Variants in KIAA1614 observed in about 807,000 individuals in gnomAD.
The protein encoded by KIAA1614 is KIAA1614.
Under a neutral mutation model 88.7 loss-of-function variants are expected in KIAA1614, and 76 were observed. That is an observed-to-expected ratio of 0.86 (90% CI 0.71 to 1.04). The LOEUF is 1.04. Among genes scored for constraint, KIAA1614 ranks in the 50% least tolerant of loss-of-function variants. The pLI, the probability that KIAA1614 is intolerant of heterozygous loss-of-function variation, is 0.00. For missense variants in KIAA1614, 1,553 were observed against 1,582.5 expected, an observed-to-expected ratio of 0.98 and a Z score of 0.32; for synonymous variants, 714 against 675.5, an observed-to-expected ratio of 1.06 and a Z score of -0.88.
Position 180,947,457 on chromosome 1 carries a change from G to A in KIAA1614, c.*1869G>A, listed in dbSNP as rs1281742364. 6.7e-6 allele frequency: 1 copy of A among 148,690 alleles called. No individual in the cohort carries two copies. 9.2% of individuals were successfully genotyped at this position (148,690 alleles called of 1,614,324 possible). On this transcript the variant is annotated 3_prime_UTR_variant, in exon 9 of 9. Coordinates refer to ENST00000367588, the MANE Select transcript of KIAA1614 (RefSeq NM_020950.2). ...TGCCTGGACTGGGAACGGCTGTGGA[G>A]ATGGGGAGAGGGGAGAGGGGACAGG...
rs752777422 is a variant in KIAA1614 at position 180,936,627 on chromosome 1, C to T, written c.2718C>T (p.Pro906=). ...ACGAGGGTAGGGTGGAGAGGGGCCC[C>T]TGCAGCCGGGAACCGGAGCCGCCCC... is the stretch of plus-strand genomic sequence containing the variant. ...AVHEGRVERG[P]CSREPEPPLE... The change falls in exon 5 of 9, where the codon CCC becomes CCT. Residue 906 remains proline (P), a synonymous_variant. Coordinates refer to ENST00000367588, the MANE Select transcript of KIAA1614 (RefSeq NM_020950.2). 68 of 1,587,132 alleles carry T rather than the reference C, an allele frequency of 4.3e-5. No individual in the cohort carries two copies. In the South Asian group the frequency reaches 4.3e-4, roughly 10 times the overall value.
intron 4 of KIAA1614, among the ~76,000 whole-genome samples, chr1:180,930,813 C>T (rs778955041): frequency 2.6e-5 from 4 of 152,254 alleles, no homozygotes; most frequent in Non-Finnish European, 5.9e-5. Context: ...GAGGGTATAG[C>T]TGAAAAATCA....
At position 180,943,550 on chromosome 1, in the gene KIAA1614, C is replaced by CTTTTTTTTTTTTTTTTTTTTTTT. The variant is rs60128001; in HGVS notation, c.3160-823_3160-822insTTTTTTTTTTTTTTTTTTTTTTT. On this transcript the variant is annotated intron_variant, in intron 7 of 8. Coordinates refer to ENST00000367588, the MANE Select transcript of KIAA1614 (RefSeq NM_020950.2). ...ATTGTAGGATTGAATGGTAGTAGAT[C>CTTTTTTTTTTTTTTTTTTTTTTT]TTTTTTTTTTTTTTTTGAGACAGGG... 5.1e-5 allele frequency among the ~76,000 whole-genome samples: 5 copies of CTTTTTTTTTTTTTTTTTTTTTTT among 98,184 alleles called. 1 individual carries two copies. Among genetic ancestry groups the CTTTTTTTTTTTTTTTTTTTTTTT allele is most frequent in the African/African-American group, 2.1e-4 (5 of 23,812 alleles). The allele number at this position is 98,184 out of a possible 152,430, so 64.4% of individuals were successfully genotyped here.
Position 180,916,570 on chromosome 1 carries a change from T to G in KIAA1614, c.467T>G (p.Ile156Ser). ...CCTGATGGGCAGCTGGACGGCAGCATCAATGAGGAGCAACCCGCCAGGGAT... is the reference window on the plus strand; with the variant it reads ...CCTGATGGGCAGCTGGACGGCAGCAGCAATGAGGAGCAACCCGCCAGGGAT... ...NLPDGQLDGS[I>S]NEEQPARDGG... The change falls in exon 2 of 9, where the codon ATC becomes AGC. Residue 156 changes from isoleucine to serine, a missense_variant. Ile to Ser is a moderately radical substitution (Grantham distance 142, BLOSUM62 -2). Coordinates refer to ENST00000367588, the MANE Select transcript of KIAA1614 (RefSeq NM_020950.2). 4 of 1,610,646 alleles carry G rather than the reference T, an allele frequency of 2.5e-6. No homozygotes were observed. Among genetic ancestry groups the G allele is most frequent in the Non-Finnish European group, 3.4e-6 (4 of 1,177,966 alleles).
chr1:180,916,505 C>G lies in KIAA1614; in HGVS notation c.402C>G (p.Phe134Leu), dbSNP rs1653804377. Reference protein sequence around the residue: ...GRAGTPSEGSFLPGAVVAPRT... With the variant: ...GRAGTPSEGSLLPGAVVAPRT... ...CCGGGACTCCATCAGAGGGGTCTTT[C>G]CTGCCAGGTGCTGTGGTGGCTCCTC... The change falls in exon 2 of 9, where the codon TTC (phenylalanine) becomes TTG (leucine). Residue 134 changes from phenylalanine (F) to leucine (L), a missense_variant. Phe to Leu is a conservative substitution (Grantham distance 22, BLOSUM62 0). Transcript: ENST00000367588. 6.2e-7 allele frequency: 1 copy of G among 1,614,088 alleles called. No homozygotes were observed. The highest frequency in any genetic ancestry group is 8.5e-7 in the Non-Finnish European group (1 of 1,180,036).
intron 1 of KIAA1614, among the ~76,000 whole-genome samples, chr1:180,915,081 G>T (rs868471986): frequency 6.6e-6 from 1 of 152,234 alleles, no homozygotes; most frequent in Non-Finnish European, 1.5e-5. Flanking sequence ...TGGGATTACA[G>T]GTGTGAGCCA....
Position 180,938,607 on chromosome 1 carries a change from G to C in KIAA1614, c.2814G>C (p.Thr938=), listed in dbSNP as rs200033632. 2 of 1,614,064 alleles carry C rather than the reference G, an allele frequency of 1.2e-6. No individual in the cohort carries two copies. The highest frequency in any genetic ancestry group is 2.2e-5 in the South Asian group (2 of 91,074). Residue 938 remains threonine (T), a synonymous_variant, in exon 6 of 9, where the codon ACG becomes ACC. Coordinates refer to ENST00000367588, the MANE Select transcript of KIAA1614 (RefSeq NM_020950.2). The stretch of plus-strand genomic sequence containing the variant: ...CAGATGTTGCCACCATCAACTCCAC[G>C]GGCATCACCCTCTCCCTGTCCTCAG... ...GSADVATINS[T]GITLSLSSEE...
rs897829965 is a variant in KIAA1614, at chr1:180,950,314, T to C, written c.*4726T>C. Reference sequence around the variant, plus strand: ...CACTTCTTCGATTTGGGTGTCATTGTGAAATTCTCCTGTTTTCCTCTGCAG... The same window carrying C: ...CACTTCTTCGATTTGGGTGTCATTGCGAAATTCTCCTGTTTTCCTCTGCAG... On this transcript the variant is annotated 3_prime_UTR_variant, in exon 9 of 9. Transcript: ENST00000367588. 8 of 1,155,608 alleles carry C rather than the reference T, an allele frequency of 6.9e-6. No individual in the cohort carries two copies. The highest frequency in any genetic ancestry group is 5.4e-6 in the Non-Finnish European group (5 of 921,218). 71.6% of individuals were successfully genotyped at this position (1,155,608 alleles called of 1,614,324 possible).
At chr1:180,932,835 G>A (rs1349563585) in intron 4 of KIAA1614, among the ~76,000 whole-genome samples, 2 of 152,082 alleles carry the variant, frequency 1.3e-5, no homozygotes, top group African/African-American at 4.8e-5. Context: ...TGCCTCCTGG[G>A]TTCAAGCAAT....
intron 4 of KIAA1614, among the ~76,000 whole-genome samples, chr1:180,929,098 G>T (rs1405193534): frequency 6.6e-6 from 1 of 152,190 alleles, no homozygotes; most frequent in Admixed American, 6.5e-5. Flanking sequence ...TCTGGTTCTG[G>T]CACTTAGCTG....
In KIAA1614 at chr1:180,950,611, C is replaced by A; in HGVS notation, c.*5023C>A. On this transcript the variant is annotated 3_prime_UTR_variant, in exon 9 of 9. Transcript: ENST00000367588. ...CAGGGTGGTTGGCAGGAACGTGCTG[C>A]ACAGAGCTGCTCTGTGGCGGAAACA... 2.5e-6 allele frequency: 2 copies of A among 793,158 alleles called. No individual in the cohort carries two copies. The highest frequency in any genetic ancestry group is 3.2e-5 in the South Asian group (1 of 31,324). The allele number at this position is 793,158 out of a possible 1,614,324, so 49.1% of individuals were successfully genotyped here.
At chr1:180,941,001 T>TCC (rs757548194) in intron 6 of KIAA1614, 44 bp from the exon 7 acceptor site, 4 of 385,874 alleles carry the variant, frequency 1.0e-5, no homozygotes, top group Non-Finnish European at 1.6e-5. Flanking sequence ...CTGGCCACCC[T>TCC]CCCGGCCCTC....
In KIAA1614 at chr1:180,948,016, T is replaced by G. The variant is rs538734663; in HGVS notation, c.*2428T>G. The G allele has an allele frequency of 6.6e-6, 1 of 150,756 alleles. No homozygotes were observed. The highest frequency in any genetic ancestry group is 2.4e-5 in the African/African-American group (1 of 41,084). The allele number at this position is 150,756 out of a possible 1,614,324, so 9.3% of individuals were successfully genotyped here. ...CTCCCTTGTAGGCAGTGGGAGCCCC[T>G]CCCTGTCACCCGTCAGGGAGCTCTG... On this transcript the variant is annotated 3_prime_UTR_variant, in exon 9 of 9. Transcript: ENST00000367588.
In KIAA1614 at chr1:180,945,649, G is replaced by C; in HGVS notation, c.*61G>C. On this transcript the variant is annotated 3_prime_UTR_variant, in exon 9 of 9. Coordinates refer to ENST00000367588, the MANE Select transcript of KIAA1614 (RefSeq NM_020950.2). Reference sequence around the variant, plus strand: ...TACAGGACTAGGCTTCTCCCCTCAGGGGCTCTTTCTGAATTGTCCAGGGCT... The same window carrying C: ...TACAGGACTAGGCTTCTCCCCTCAGCGGCTCTTTCTGAATTGTCCAGGGCT... 6.6e-7 allele frequency: 1 copy of C among 1,506,738 alleles called. No homozygotes were observed. The highest frequency in any genetic ancestry group is 8.8e-7 in the Non-Finnish European group (1 of 1,135,708). The allele number at this position is 1,506,738 out of a possible 1,614,324, so 93.3% of individuals were successfully genotyped here. A position where few individuals can be genotyped will look rare whatever the true frequency, so the allele number is the denominator to read the frequency against.
In KIAA1614 at chr1:180,916,285, C is replaced by T. The variant is rs1653794848; in HGVS notation, c.182C>T (p.Thr61Ile). The T allele has an allele frequency of 6.2e-7, 1 of 1,613,800 alleles. No homozygotes were observed. Among genetic ancestry groups the T allele is most frequent in the South Asian group, 1.1e-5 (1 of 91,050 alleles). The change falls in exon 2 of 9, where the codon ACA becomes ATA. Residue 61 changes from threonine to isoleucine, a missense_variant. Thr to Ile is a moderately conservative substitution (Grantham distance 89, BLOSUM62 -1). Coordinates refer to ENST00000367588, the MANE Select transcript of KIAA1614 (RefSeq NM_020950.2). The part of the protein sequence containing the change: ...RPWPCPQENR[T>I]SSLMAPQPPR... The stretch of plus-strand genomic sequence containing the variant: ...TGGCCTTGCCCTCAGGAAAACAGAA[C>T]ATCCAGCCTGATGGCCCCCCAGCCT...
At position 180,949,927 on chromosome 1, in the gene KIAA1614, G is replaced by T. The variant is rs542219367; in HGVS notation, c.*4339G>T. 6.6e-6 allele frequency: 1 copy of T among 152,406 alleles called. No homozygotes were observed. The highest frequency in any genetic ancestry group is 2.4e-5 in the African/African-American group (1 of 41,578). 9.4% of individuals were successfully genotyped at this position (152,406 alleles called of 1,614,324 possible). ...GACCTGAGGCAGCAACTGGATCATA[G>T]TGCCAGGCACTGAGTAGGTATGGTT... On this transcript the variant is annotated 3_prime_UTR_variant, in exon 9 of 9. Transcript: ENST00000367588.
rs114308914 is a variant in KIAA1614 at position 180,918,743 on chromosome 1, C to T, written c.1061+829C>T. Among the ~76,000 whole-genome samples, 1,488 of 152,266 alleles carry T rather than the reference C, an allele frequency of 9.8e-3. 27 individuals are homozygous for T. Among genetic ancestry groups the T allele is most frequent in the African/African-American group, 0.033 (1,377 of 41,536 alleles). ...ACACGGTTGCTGCTCCGGTGTAAGG[C>T]GGCTCCTGCACAAATCCCACTCAGT... is the stretch of plus-strand genomic sequence containing the variant. On this transcript the variant is annotated intron_variant, in intron 3 of 8. Transcript: ENST00000367588.
In KIAA1614 at chr1:180,928,504, G is replaced by C. The variant is rs111709771; in HGVS notation, c.1136G>C (p.Arg379Pro). Reference sequence around the variant, plus strand: ...GCCACGCATCTGCTGCAGCGTGCCCGCATGAAGGCCAGGACCCGGCCCCTC... The same window carrying C: ...GCCACGCATCTGCTGCAGCGTGCCCCCATGAAGGCCAGGACCCGGCCCCTC... ...EEATHLLQRA[R>P]MKARTRPLRA... Residue 379 changes from arginine (R) to proline (P), a missense_variant, in exon 4 of 9, where the codon CGC (arginine) becomes CCC (proline). By Grantham distance (103) the Arg-to-Pro change is moderately radical. Coordinates refer to ENST00000367588, the MANE Select transcript of KIAA1614 (RefSeq NM_020950.2). 5 of 1,613,050 alleles carry C rather than the reference G, an allele frequency of 3.1e-6. No homozygotes were observed. In the South Asian group the frequency reaches 5.5e-5, roughly 18 times the overall value.
At chr1:180,928,323 G>A (rs1263782917) in intron 3 of KIAA1614, 107 bp from the exon 4 acceptor site, 1 of 1,287,092 alleles carries the variant, frequency 7.8e-7, no homozygotes, top group Non-Finnish European at 1.0e-6. Flanking sequence ...GCACATGCAG[G>A]GCTTTTTCTG....
Sources: allele counts gnomAD v4.1 joint callset (sites outside exome capture counted in the v4.1 genomes callset), GRCh38; gene constraint gnomAD v4.1.1; transcripts MANE v1.5; gene names NCBI Gene and HGNC (gene_info 2026-07-23, HGNC 2026-07-21).